The following ZNF443 variants were observed in gnomAD, a reference collection of about 807,000 sequenced individuals.
ZNF443 encodes zinc finger protein 443, also known as Kruppel-type zinc finger (C2H2).
ZNF443 carries 3 observed loss-of-function variants against 12.0 expected under a neutral mutation model. That is an observed-to-expected ratio of 0.25 (90% confidence interval 0.11 to 0.64). ZNF443 has a LOEUF of 0.64. Among genes scored for constraint, ZNF443 ranks in the 30% least tolerant of loss-of-function variants. The pLI is 0.84. For missense variants in ZNF443, 770 were observed against 808.8 expected (o/e 0.95, Z 0.58); for synonymous variants, 225 against 265.9 (o/e 0.85, Z 1.50).
At chr19:12,433,386 G>A (rs376715399) in intron 1 of ZNF443, among the ~76,000 whole-genome samples, 189 bp from the exon 2 acceptor site, 2 of 151,626 alleles carry the variant, frequency 1.3e-5, no homozygotes, top group South Asian at 2.1e-4. Context: ...ACAGTTAAAC[G>A]TTTGGTAAAT....
At chr19:12,438,335 A>G (rs1970333930) in intron 1 of ZNF443, among the ~76,000 whole-genome samples, 1 of 152,210 alleles carries the variant, frequency 6.6e-6, no homozygotes, top group Admixed American at 6.5e-5. Flanking sequence ...CCAAATACCT[A>G]TCCCTTCCAG....
Position 12,431,942 on chromosome 19 carries a change from C to A in ZNF443, c.230G>T (p.Gly77Val). The A allele has an allele frequency of 1.3e-6, 2 of 1,594,044 alleles. No homozygotes were observed. The highest frequency in any genetic ancestry group is 1.7e-6 in the Non-Finnish European group (2 of 1,171,648). The change falls in exon 4 of 4, where the codon GGA becomes GTA. Residue 77 changes from glycine to valine, a missense_variant. Physicochemically the swap from Gly to Val is moderately radical, Grantham distance 109 (BLOSUM62 -3). Around this residue, in one of 3 missense-constraint regions of ZNF443, gnomAD observed 736 missense variants for 689.4 expected, o/e 1.07. Transcript: ENST00000301547. The part of the protein sequence containing the change: ...MLERFVESKD[G>V]TQCGETSSQI... ...GCTAGATGTTTCTCCACATTGAGTT[C>A]CATCTTTACTTTCAACAAATCTCTC... is the stretch of plus-strand genomic sequence containing the variant.
At chr19:12,437,753 T>G (rs1268989290) in intron 1 of ZNF443, among the ~76,000 whole-genome samples, 1 of 151,918 alleles carries the variant, frequency 6.6e-6, no homozygotes, top group Non-Finnish European at 1.5e-5. Context: ...ACAGGTACAT[T>G]AAATATAAAG....
chr19:12,440,671 T>G lies in ZNF443; in HGVS notation c.3+241A>C, dbSNP rs966271411. Reference sequence around the variant, plus strand: ...TCTGGGGAGACCCGGGGCTGCGGGCTCGGAGCTGCCCAGAGAGGGCGCCGG... The same window carrying G: ...TCTGGGGAGACCCGGGGCTGCGGGCGCGGAGCTGCCCAGAGAGGGCGCCGG... On this transcript the variant is annotated intron_variant, in intron 1 of 3. Transcript: ENST00000301547. Among the ~76,000 whole-genome samples, 6 of 152,164 alleles carry G rather than the reference T, an allele frequency of 3.9e-5. No homozygotes were observed. In the South Asian group the frequency reaches 8.3e-4, roughly 21 times the overall value.
chr19:12,437,662 T>A (rs970981612), intron 1 of ZNF443, among the ~76,000 whole-genome samples: 14 of 151,832 alleles, frequency 9.2e-5, no homozygotes, highest in Non-Finnish European at 1.3e-4. Context: ...CAGAGTAGAA[T>A]AAAAAAAACA....
chr19:12,440,999 C>T lies in ZNF443; in HGVS notation c.-85G>A. The T allele has an allele frequency of 6.2e-7, 1 of 1,610,152 alleles. No homozygotes were observed. The highest frequency in any genetic ancestry group is 8.5e-7 in the Non-Finnish European group (1 of 1,177,734). On this transcript the variant is annotated 5_prime_UTR_variant, in exon 1 of 4. Coordinates refer to ENST00000301547, the MANE Select transcript of ZNF443 (RefSeq NM_005815.5). Reference sequence around the variant, plus strand: ...CAGCCAGACAAAGGCTGCCTCAGAACTTCCAGGTCGTCTCTCAGCTACAGA... The same window carrying T: ...CAGCCAGACAAAGGCTGCCTCAGAATTTCCAGGTCGTCTCTCAGCTACAGA...
intron 1 of ZNF443, among the ~76,000 whole-genome samples, chr19:12,433,940 A>G (rs955782279): frequency 2.0e-5 from 3 of 152,182 alleles, no homozygotes; most frequent in Non-Finnish European, 4.4e-5. Context: ...GGGTGAATGA[A>G]TAAATGAGCT....
At chr19:12,435,666 G>A (rs1970301604) in intron 1 of ZNF443, among the ~76,000 whole-genome samples, 1 of 151,806 alleles carries the variant, frequency 6.6e-6, no homozygotes, top group African/African-American at 2.4e-5. Flanking sequence ...GATGCCCCAG[G>A]CACAGAGCCA....
chr19:12,434,624 C>G (rs1907334827), intron 1 of ZNF443, among the ~76,000 whole-genome samples: 1 of 151,970 alleles, frequency 6.6e-6, no homozygotes, highest in South Asian at 2.1e-4. Flanking sequence ...ACTTTCTCAC[C>G]AAGAAAGTGC....
Position 12,430,784 on chromosome 19 carries a change from G to T in ZNF443, c.1388C>A (p.Ser463Tyr). 1 of 1,614,052 alleles carries T rather than the reference G, an allele frequency of 6.2e-7. No individual in the cohort carries two copies. Among genetic ancestry groups the T allele is most frequent in the Non-Finnish European group, 8.5e-7 (1 of 1,179,982 alleles). The change falls in exon 4 of 4, where the codon TCC becomes TAC. Residue 463 changes from serine (S) to tyrosine (Y), a missense_variant. Transcript: ENST00000301547. ...ATGAGTTGTTTCATGCCTTCGAAGG[G>T]AACTGGAAATACGGTAGGCTTTGCC... The part of the protein sequence containing the change: ...QCGKAYRISS[S>Y]LRRHETTHTG...
chr19:12,432,832 T>C (rs1970271328), intron 2 of ZNF443, among the ~76,000 whole-genome samples: 1 of 147,804 alleles, frequency 6.8e-6, no homozygotes, highest in South Asian at 2.2e-4. Flanking sequence ...ACATAAAATA[T>C]ATGTATTAAT....
intron 1 of ZNF443, among the ~76,000 whole-genome samples, chr19:12,438,821 A>C (rs189368517): frequency 1.2e-4 from 18 of 152,318 alleles, no homozygotes; most frequent in East Asian, 1.2e-3. Context: ...ATTACTTATA[A>C]AATTTATTTT....
At position 12,430,509 on chromosome 19, in the gene ZNF443, A is replaced by G; in HGVS notation, c.1663T>C (p.Ser555Pro). Residue 555 changes from serine to proline, a missense_variant, in exon 4 of 4, where the codon TCT becomes CCT. Transcript: ENST00000301547. ...DNLKVHERIH[S>P]GEKPYECKEC... Reference sequence around the variant, plus strand: ...TTACATTCATACGGCTTCTCTCCAGAGTGAATTCTTTCATGTACCTTTAAG... The same window carrying G: ...TTACATTCATACGGCTTCTCTCCAGGGTGAATTCTTTCATGTACCTTTAAG... 6.2e-7 allele frequency: 1 copy of G among 1,614,008 alleles called. No homozygotes were observed. The highest frequency in any genetic ancestry group is 8.5e-7 in the Non-Finnish European group (1 of 1,179,970).
Position 12,430,727 on chromosome 19 carries a change from C to CTA in ZNF443, c.1444_1445insTA (p.Gly482ValfsTer67), listed in dbSNP as rs772146764. On this transcript the variant is annotated frameshift_variant, in exon 4 of 4. Coordinates refer to ENST00000301547, the MANE Select transcript of ZNF443 (RefSeq NM_005815.5). LOFTEE classifies it low-confidence loss of function (END_TRUNC). ...GGAACAGAAATCAATACAGGCTTTC[C>CTA]CAAGTTTGCATTTATAGGGTTTCTC... 4.0e-5 allele frequency: 64 copies of CTA among 1,613,242 alleles called. No individual in the cohort carries two copies. The highest frequency in any genetic ancestry group is 4.9e-5 in the Non-Finnish European group (58 of 1,179,528).
chr19:12,440,768 G>A (rs1970356630), intron 1 of ZNF443, 144 bp downstream of exon 1: 2 of 1,402,636 alleles, frequency 1.4e-6, no homozygotes, highest in East Asian at 4.6e-5. Context: ...CCACCCTGCG[G>A]CCGAGGGCCG....
chr19:12,436,750 TACACACACACACAC>T (rs59579956), intron 1 of ZNF443, among the ~76,000 whole-genome samples: 20 of 119,014 alleles, frequency 1.7e-4, no homozygotes, highest in Non-Finnish European at 3.2e-4. Context: ...ATTCAGATCA[TACACACACACACAC>T]ACACACACAC....
rs1025025 is a variant in ZNF443, at chr19:12,429,957, G to T, written c.*199C>A. 0.27 allele frequency: 204,802 copies of T among 745,788 alleles called. 31,698 individuals are homozygous for T. Among genetic ancestry groups the T allele is most frequent in the South Asian group, 0.48 (23,097 of 48,570 alleles). 46.2% of individuals were successfully genotyped at this position (745,788 alleles called of 1,614,324 possible). ...AACATGTCATTTTATAAAAGGGACT[G>T]GACATGGCTCACGGAGTGCTGGAAC... On this transcript the variant is annotated 3_prime_UTR_variant, in exon 4 of 4. Transcript: ENST00000301547.
Position 12,431,566 on chromosome 19 carries a change from A to G in ZNF443, c.606T>C (p.Cys202=), listed in dbSNP as rs1970254741. 1.2e-6 allele frequency: 2 copies of G among 1,613,988 alleles called. No homozygotes were observed. The highest frequency in any genetic ancestry group is 1.7e-6 in the Non-Finnish European group (2 of 1,179,988). The change falls in exon 4 of 4, where the codon TGT becomes TGC. Residue 202 remains cysteine (C), a synonymous_variant. Coordinates refer to ENST00000301547, the MANE Select transcript of ZNF443 (RefSeq NM_005815.5). ...RGDGPYKCKL[C]GKAFFWPSLL... is the part of the protein sequence containing the mutation. ...AACTGGGCCAAAAAAACGCTTTCCC[A>G]CACAACTTACATTTATAAGGTCCAT...
Position 12,440,908 on chromosome 19 carries a change from G to C in ZNF443, c.3+4C>G. 1 of 1,614,038 alleles carries C rather than the reference G, an allele frequency of 6.2e-7. No individual in the cohort carries two copies. Among genetic ancestry groups the C allele is most frequent in the Non-Finnish European group, 8.5e-7 (1 of 1,179,964 alleles). On this transcript the variant is annotated splice_donor_region_variant and intron_variant, in intron 1 of 3. Coordinates refer to ENST00000301547, the MANE Select transcript of ZNF443 (RefSeq NM_005815.5). ...GCCTCGGGACGCCGGCCCAGCACAC[G>C]CACCATTTCCCGACTTCCGCGGTGT...
Sources: allele counts gnomAD v4.1 joint callset (sites outside exome capture counted in the v4.1 genomes callset), GRCh38; gene constraint gnomAD v4.1.1; regional missense constraint gnomAD v4.1.1; transcripts MANE v1.5; gene names NCBI Gene and HGNC (gene_info 2026-07-23, HGNC 2026-07-21).